The following SRRM3 variants were observed in gnomAD, a reference collection of about 807,000 sequenced individuals.
SRRM3 encodes the protein serine/arginine repetitive matrix 3.
Under a neutral mutation model 66.2 loss-of-function variants are expected in SRRM3, and 27 were observed. The ratio of observed to expected loss-of-function variants is 0.41; its 90% CI spans 0.30 to 0.56. The LOEUF is 0.56. SRRM3 is among the 20% of genes least tolerant of loss of function. SRRM3 has a pLI of 0.32. For missense variants in SRRM3, 918 were observed against 991.9 expected, an observed-to-expected ratio of 0.93 and a Z score of 1.00; for synonymous variants, 391 against 414.9, an observed-to-expected ratio of 0.94 and a Z score of 0.70.
intron 2 of SRRM3, among the ~76,000 whole-genome samples, chr7:76,241,202 A>C (rs1048026354): frequency 1.3e-5 from 2 of 151,658 alleles, no homozygotes; most frequent in Non-Finnish European, 2.9e-5. Context: ...CGGCCTAGAA[A>C]CCCTTGACTT....
chr7:76,219,993 A>AGCAT (rs1429816759), intron 1 of SRRM3, among the ~76,000 whole-genome samples: 1 of 152,236 alleles, frequency 6.6e-6, no homozygotes, highest in Non-Finnish European at 1.5e-5. Flanking sequence ...TGCAAATGTC[A>AGCAT]GCATGCACAT....
intron 12 of SRRM3, among the ~76,000 whole-genome samples, chr7:76,282,337 C>T (rs1802541291): frequency 6.8e-6 from 1 of 146,788 alleles, no homozygotes; most frequent in Non-Finnish European, 1.5e-5. Flanking sequence ...ATCCGTCTCC[C>T]CTTACTGATC....
At chr7:76,222,870 C>T (rs1290051674) in intron 1 of SRRM3, among the ~76,000 whole-genome samples, 3 of 152,126 alleles carry the variant, frequency 2.0e-5, no homozygotes, top group Non-Finnish European at 1.5e-5. Flanking sequence ...CCTGGCTCAG[C>T]CTCCCAAAGT....
At chr7:76,282,056 C>G (rs1276559396) in intron 12 of SRRM3, among the ~76,000 whole-genome samples, 1 of 144,562 alleles carries the variant, frequency 6.9e-6, no homozygotes, top group East Asian at 2.2e-4. Context: ...CTCCACGGAC[C>G]CCAAACCCCT....
chr7:76,261,428 C>T lies in SRRM3; in HGVS notation c.638+14C>T, dbSNP rs782185555. On this transcript the variant is annotated intron_variant, in intron 7 of 14. Transcript: ENST00000611745. ...TCGCCGAGACAGGTACCCTTGCTGC[C>T]CCCACCCTGGGGCCTCCTCTTCCTC... The T allele has an allele frequency of 6.2e-7, 1 of 1,605,060 alleles. No individual in the cohort carries two copies. The highest frequency in any genetic ancestry group is 1.3e-5 in the African/African-American group (1 of 74,680).
At chr7:76,243,424 C>A (rs142818588) in intron 2 of SRRM3, among the ~76,000 whole-genome samples, 2 of 152,250 alleles carry the variant, frequency 1.3e-5, no homozygotes, top group East Asian at 3.9e-4. Context: ...CAACAAGATA[C>A]CCTGGGGCAC....
intron 1 of SRRM3, among the ~76,000 whole-genome samples, chr7:76,203,935 G>C (rs954791925): frequency 1.3e-5 from 2 of 152,268 alleles, no homozygotes. Flanking sequence ...ACTCCCACAA[G>C]GTCACTGGGA....
Position 76,267,251 on chromosome 7 carries a change from A to T in SRRM3, c.831-7A>T, listed in dbSNP as rs1802086701. 1 of 1,535,786 alleles carries T rather than the reference A, an allele frequency of 6.5e-7. No homozygotes were observed. The highest frequency in any genetic ancestry group is 1.5e-5 in the African/African-American group (1 of 68,808). On this transcript the variant is annotated splice_region_variant and splice_polypyrimidine_tract_variant and intron_variant, in intron 10 of 14. Coordinates refer to ENST00000611745, the MANE Select transcript of SRRM3 (RefSeq NM_001110199.3). ...ACTCCCCCATTCTTCCTGGCGCCTA[A>T]CCCCAGGCTGAGCCCCAAGCACCGA...
At chr7:76,247,348 C>A (rs920947536) in intron 2 of SRRM3, among the ~76,000 whole-genome samples, 11 of 151,992 alleles carry the variant, frequency 7.2e-5, no homozygotes, top group Non-Finnish European at 1.0e-4. Flanking sequence ...CCCCCGATAA[C>A]CCCCCTACAA....
chr7:76,279,268 G>GA (rs1554611535), intron 11 of SRRM3, among the ~76,000 whole-genome samples: 1 of 151,886 alleles, frequency 6.6e-6, no homozygotes, highest in East Asian at 1.9e-4. Flanking sequence ...CAAAAAGAAA[G>GA]AAAAAAGAAA....
At position 76,282,695 on chromosome 7, in the gene SRRM3, C is replaced by A; in HGVS notation, c.1418C>A (p.Ser473Tyr). 2 of 1,423,596 alleles carry A rather than the reference C, an allele frequency of 1.4e-6. No individual in the cohort carries two copies. Among genetic ancestry groups the A allele is most frequent in the Non-Finnish European group, 1.8e-6 (2 of 1,095,478 alleles). The allele number at this position is 1,423,596 out of a possible 1,614,324, so 88.2% of individuals were successfully genotyped here. A position where few individuals can be genotyped will look rare whatever the true frequency, so the allele number is the denominator to read the frequency against. ...PRARPASTSP[S>Y]PGAHGRRGGP... ...GCGCGGCCCGCCAGCACCTCTCCGT[C>A]CCCGGGCGCGCACGGCCGGCGCGGC... Residue 473 changes from serine to tyrosine, a missense_variant, in exon 13 of 15, where the codon TCC (serine) becomes TAC (tyrosine). Ser to Tyr is a moderately radical substitution (Grantham distance 144). Coordinates refer to ENST00000611745, the MANE Select transcript of SRRM3 (RefSeq NM_001110199.3).
At chr7:76,283,661 C>G in intron 14 of SRRM3, 1 of 616,836 alleles carries the variant, frequency 1.6e-6, no homozygotes, top group Non-Finnish European at 2.7e-6. Flanking sequence ...TTCTCACTAA[C>G]CTGGGGGATT....
intron 11 of SRRM3, among the ~76,000 whole-genome samples, chr7:76,274,516 G>C (rs1007375741): frequency 6.6e-6 from 1 of 152,226 alleles, no homozygotes; most frequent in African/African-American, 2.4e-5. Flanking sequence ...CCTGGTCCAT[G>C]ATCCAACTCA....
At chr7:76,248,037 C>T in intron 2 of SRRM3, 151 bp from the exon 3 acceptor site, 2 of 639,774 alleles carry the variant, frequency 3.1e-6, no homozygotes, top group Non-Finnish European at 5.7e-6. Flanking sequence ...GTGCTGAAGA[C>T]CTGGCTTGAT....
intron 1 of SRRM3, among the ~76,000 whole-genome samples, chr7:76,232,045 G>A (rs536288628): frequency 1.6e-4 from 24 of 152,230 alleles, no homozygotes; most frequent in African/African-American, 5.8e-4. Flanking sequence ...ATGCAAAGGG[G>A]TCTTGCAGGC....
chr7:76,208,803 C>G (rs1330284245), intron 1 of SRRM3, among the ~76,000 whole-genome samples: 1 of 147,574 alleles, frequency 6.8e-6, no homozygotes, highest in African/African-American at 2.5e-5. Flanking sequence ...CCACTGCACT[C>G]CAGCCTGAGT....
At chr7:76,225,098 C>T (rs1205185878) in intron 1 of SRRM3, among the ~76,000 whole-genome samples, 1 of 152,118 alleles carries the variant, frequency 6.6e-6, no homozygotes, top group East Asian at 1.9e-4. Flanking sequence ...CCAGCCTGAC[C>T]GAATCCCAAC....
At chr7:76,233,433 T>C (rs1178860712) in intron 1 of SRRM3, among the ~76,000 whole-genome samples, 2 of 152,078 alleles carry the variant, frequency 1.3e-5, no homozygotes, top group East Asian at 1.9e-4. Context: ...GACCAACAGA[T>C]AGAGGGGTCA....
At chr7:76,205,183 C>G (rs143310306) in intron 1 of SRRM3, among the ~76,000 whole-genome samples, 2,317 of 152,108 alleles carry the variant, frequency 0.015, 34 homozygotes, top group Non-Finnish European at 0.021. Flanking sequence ...CAGGGCTTGC[C>G]TCCTTTCTCT....
Sources: gnomAD v4.1 joint callset for allele counts (sites outside exome capture counted in the v4.1 genomes callset) on GRCh38, gnomAD v4.1.1 for gene constraint, MANE v1.5 for transcripts, NCBI Gene and HGNC (gene_info 2026-07-23, HGNC 2026-07-21) for gene names.